FAM241B: variants seen among roughly 807,000 people sequenced by gnomAD.
FAM241B encodes the protein family with sequence similarity 241 member B.
FAM241B carries 7 observed loss-of-function variants against 9.3 expected under a neutral mutation model. The ratio of observed to expected loss-of-function variants is 0.75; its 90% CI spans 0.43 to 1.41. The LOEUF (loss-of-function observed/expected upper bound fraction) is 1.41, where lower values mean the gene tolerates loss of function less well. Ranked by LOEUF, FAM241B falls within the 40% of genes most tolerant of loss-of-function variation. The pLI is 0.01. For missense variants in FAM241B, 136 were observed against 159.6 expected (o/e 0.85, Z 0.80); for synonymous variants, 60 against 64.1 (o/e 0.94, Z 0.31).
chr10:69,630,458 G>A (rs975994569), intron 1 of FAM241B, 145 bp downstream of exon 1: 17 of 193,448 alleles, frequency 8.8e-5, no homozygotes, highest in Non-Finnish European at 1.7e-4. Context: ...GTGCGCCGCG[G>A]GCCGGGCGCG....
Position 69,633,009 on chromosome 10 carries a change from C to G in FAM241B, c.316C>G (p.Leu106Val), listed in dbSNP as rs1275757042. 1.2e-6 allele frequency: 2 copies of G among 1,614,122 alleles called. No individual in the cohort carries two copies. The highest frequency in any genetic ancestry group is 3.3e-5 in the Admixed American group (2 of 60,012). Reference sequence around the variant, plus strand: ...GCTCATGATGCTTGGTGTTCGTGGCCTCCTCCTGGTTGGCCTTGTCTACCT... The same window carrying G: ...GCTCATGATGCTTGGTGTTCGTGGCGTCCTCCTGGTTGGCCTTGTCTACCT... ...FLLMMLGVRG[L>V]LLVGLVYLVS... Residue 106 changes from leucine (L) to valine (V), a missense_variant, in exon 4 of 4, where the codon CTC becomes GTC. Physicochemically the swap from Leu to Val is conservative, Grantham distance 32 (BLOSUM62 1). Transcript: ENST00000373279.
In FAM241B at chr10:69,633,328, C is replaced by G; in HGVS notation, c.*269C>G. 1.9e-6 allele frequency: 1 copy of G among 516,860 alleles called. No individual in the cohort carries two copies. The allele number at this position is 516,860 out of a possible 1,614,324, so 32.0% of individuals were successfully genotyped here. A position where few individuals can be genotyped will look rare whatever the true frequency, so the allele number is the denominator to read the frequency against. On this transcript the variant is annotated 3_prime_UTR_variant, in exon 4 of 4. Coordinates refer to ENST00000373279, the MANE Select transcript of FAM241B (RefSeq NM_145306.3). ...GTGGCACAAAATCAGAGCAAGAAAG[C>G]GATGCCCTTCCCAATTCTCTCAATC...
chr10:69,630,797 A>AT, intron 1 of FAM241B: 1 of 680,980 alleles, frequency 1.5e-6, no homozygotes, highest in Non-Finnish European at 2.0e-6. Context: ...CCCCTCCCAT[A>AT]TTTTGGGAAG....
At position 69,633,172 on chromosome 10, in the gene FAM241B, G is replaced by T; in HGVS notation, c.*113G>T. 7.0e-7 allele frequency: 1 copy of T among 1,419,592 alleles called. No homozygotes were observed. The highest frequency in any genetic ancestry group is 9.6e-7 in the Non-Finnish European group (1 of 1,038,342). The allele number at this position is 1,419,592 out of a possible 1,614,324, so 87.9% of individuals were successfully genotyped here. On this transcript the variant is annotated 3_prime_UTR_variant, in exon 4 of 4. Coordinates refer to ENST00000373279, the MANE Select transcript of FAM241B (RefSeq NM_145306.3). ...GTGCCTTGAAGGTATGATCAGAGAG[G>T]GGACCACAGGTGTGTGTTTCCCCTT...
At chr10:69,630,780 C>A in intron 1 of FAM241B, 1 of 756,100 alleles carries the variant, frequency 1.3e-6, no homozygotes, top group Non-Finnish European at 1.8e-6. Context: ...AGGGCCACCG[C>A]AGCAACCCCC....
Position 69,632,918 on chromosome 10 carries a change from C to G in FAM241B, c.225C>G (p.Gly75=). The G allele has an allele frequency of 6.2e-7, 1 of 1,614,218 alleles. No individual in the cohort carries two copies. Among genetic ancestry groups the G allele is most frequent in the South Asian group, 1.1e-5 (1 of 91,084 alleles). ...NDLNRQLVNM[G]FPQWHLGNHA... ...TCAACCGGCAGCTGGTGAACATGGG[C>G]TTTCCGCAGTGGCATCTTGGCAACC... is the stretch of plus-strand genomic sequence containing the variant. Residue 75 remains glycine, a synonymous_variant, in exon 4 of 4, where the codon GGC becomes GGG. Coordinates refer to ENST00000373279, the MANE Select transcript of FAM241B (RefSeq NM_145306.3).
chr10:69,632,926 A>G lies in FAM241B; in HGVS notation c.233A>G (p.Gln78Arg), dbSNP rs1839856502. 1 of 1,614,164 alleles carries G rather than the reference A, an allele frequency of 6.2e-7. No homozygotes were observed. The highest frequency in any genetic ancestry group is 8.5e-7 in the Non-Finnish European group (1 of 1,180,034). Residue 78 changes from glutamine to arginine, a missense_variant, in exon 4 of 4, where the codon CAG (glutamine) becomes CGG (arginine). By Grantham distance (43) the Gln-to-Arg change is conservative. Transcript: ENST00000373279. The stretch of plus-strand genomic sequence containing the variant: ...CAGCTGGTGAACATGGGCTTTCCGC[A>G]GTGGCATCTTGGCAACCATGCTGTG... ...NRQLVNMGFP[Q>R]WHLGNHAVEP... is the part of the protein sequence containing the mutation.
intron 3 of FAM241B, among the ~76,000 whole-genome samples, chr10:69,632,285 C>T (rs1377792402): frequency 5.3e-5 from 8 of 151,896 alleles, no homozygotes; most frequent in South Asian, 4.2e-4. Flanking sequence ...ATGATGAAAC[C>T]CCATCTCTAC....
At position 69,632,916 on chromosome 10, in the gene FAM241B, G is replaced by C; in HGVS notation, c.223G>C (p.Gly75Arg). 1 of 1,614,236 alleles carries C rather than the reference G, an allele frequency of 6.2e-7. No individual in the cohort carries two copies. Among genetic ancestry groups the C allele is most frequent in the Non-Finnish European group, 8.5e-7 (1 of 1,180,046 alleles). Reference protein sequence around the residue: ...NDLNRQLVNMGFPQWHLGNHA... With the variant: ...NDLNRQLVNMRFPQWHLGNHA... The stretch of plus-strand genomic sequence containing the variant: ...CCTCAACCGGCAGCTGGTGAACATG[G>C]GCTTTCCGCAGTGGCATCTTGGCAA... Residue 75 changes from glycine (G) to arginine (R), a missense_variant, in exon 4 of 4, where the codon GGC (glycine) becomes CGC (arginine). Gly to Arg is a moderately radical substitution (Grantham distance 125). Coordinates refer to ENST00000373279, the MANE Select transcript of FAM241B (RefSeq NM_145306.3).
intron 3 of FAM241B, 44 bp downstream of exon 3, chr10:69,631,883 G>A: frequency 6.3e-7 from 1 of 1,576,960 alleles, no homozygotes. Context: ...GGCCTCCTGT[G>A]TACTGGCTAC....
At position 69,631,563 on chromosome 10, in the gene FAM241B, C is replaced by G. The variant is rs1210509924; in HGVS notation, c.-36+16C>G. ...TCAATTTCTGGTAAATTTTTTCCTT[C>G]AAGCTTTTTGAGGTCAGGGGGAAAA... On this transcript the variant is annotated intron_variant, in intron 2 of 3. Coordinates refer to ENST00000373279, the MANE Select transcript of FAM241B (RefSeq NM_145306.3). The G allele has an allele frequency of 6.5e-7, 1 of 1,547,040 alleles. No individual in the cohort carries two copies. The highest frequency in any genetic ancestry group is 1.2e-5 in the South Asian group (1 of 83,190).
intron 1 of FAM241B, 116 bp from the exon 2 acceptor site, chr10:69,631,364 C>T (rs956546404): frequency 2.5e-6 from 2 of 785,352 alleles, no homozygotes; most frequent in South Asian, 1.6e-5. Flanking sequence ...TAGTGATTGG[C>T]AGTAAAACTT....
intron 3 of FAM241B, 32 bp downstream of exon 3, chr10:69,631,871 A>G (rs1326818595): frequency 1.3e-6 from 2 of 1,587,794 alleles, no homozygotes; most frequent in East Asian, 4.5e-5. Flanking sequence ...AGTGGGACAG[A>G]TGGCCTCCTG....
chr10:69,631,282 C>G (rs924089065), intron 1 of FAM241B, among the ~76,000 whole-genome samples, 198 bp from the exon 2 acceptor site: 4 of 152,242 alleles, frequency 2.6e-5, no homozygotes, highest in Admixed American at 2.6e-4. Context: ...TGAGGTGAGC[C>G]TTGCAGGATG....
At chr10:69,630,354 A>C (rs2812579) in intron 1 of FAM241B, 41 bp downstream of exon 1, 65,306 of 152,588 alleles carry the variant, frequency 0.43, 14,952 homozygotes, top group East Asian at 0.86. Flanking sequence ...CCCTCGCTGC[A>C]GCCCGGGCCG....
At position 69,632,907 on chromosome 10, in the gene FAM241B, G is replaced by A. The variant is rs1839855997; in HGVS notation, c.214G>A (p.Val72Met). The A allele has an allele frequency of 1.9e-6, 3 of 1,614,212 alleles. No individual in the cohort carries two copies. The highest frequency in any genetic ancestry group is 2.5e-6 in the Non-Finnish European group (3 of 1,180,030). Reference sequence around the variant, plus strand: ...CTTCAATGACCTCAACCGGCAGCTGGTGAACATGGGCTTTCCGCAGTGGCA... The same window carrying A: ...CTTCAATGACCTCAACCGGCAGCTGATGAACATGGGCTTTCCGCAGTGGCA... ...SPFNDLNRQL[V>M]NMGFPQWHLG... Residue 72 changes from valine to methionine, a missense_variant, in exon 4 of 4, where the codon GTG (valine) becomes ATG (methionine). Val to Met is a conservative substitution (Grantham distance 21). Transcript: ENST00000373279.
chr10:69,631,216 C>T (rs557228753), intron 1 of FAM241B, among the ~76,000 whole-genome samples: 6 of 152,324 alleles, frequency 3.9e-5, no homozygotes, highest in East Asian at 3.9e-4. Flanking sequence ...CCTGTGCCTC[C>T]GCCTGTGCAA....
rs752043730 is a variant in FAM241B at position 69,632,757 on chromosome 10, A to G, written c.97-33A>G. 2.5e-6 allele frequency: 4 copies of G among 1,601,590 alleles called. No individual in the cohort carries two copies. In the African/African-American group the frequency reaches 5.4e-5, roughly 21 times the overall value. On this transcript the variant is annotated intron_variant, in intron 3 of 3. Transcript: ENST00000373279. The stretch of plus-strand genomic sequence containing the variant: ...TCCTGGCTGGTGCGTCAACCCAATG[A>G]TTCATTCATCTCTCTCTGTCTTCAC...
At chr10:69,631,979 G>A in intron 3 of FAM241B, 140 bp downstream of exon 3, 1 of 1,168,774 alleles carries the variant, frequency 8.6e-7, no homozygotes, top group Non-Finnish European at 1.2e-6. Flanking sequence ...AAGATGCAGT[G>A]GCTTATTGTC....
Sources: allele counts gnomAD v4.1 joint callset (sites outside exome capture counted in the v4.1 genomes callset), GRCh38; gene constraint gnomAD v4.1.1; transcripts MANE v1.5; gene names NCBI Gene and HGNC (gene_info 2026-07-23, HGNC 2026-07-21).